Variants in FRMD5 observed in about 807,000 individuals in gnomAD.
FRMD5 encodes the protein FERM domain-containing protein 5.
A neutral mutation model predicts 69.0 loss-of-function variants in FRMD5; 20 were observed. The ratio of observed to expected loss-of-function variants is 0.29; its 90% CI spans 0.20 to 0.42. FRMD5 has a LOEUF of 0.42. Ranked by LOEUF, FRMD5 falls within the 10% of genes least tolerant of loss-of-function variation. The pLI, the probability that FRMD5 is intolerant of heterozygous loss-of-function variation, is 1.00. For missense variants in FRMD5, 595 were observed against 708.6 expected (o/e 0.84, Z 1.82); for synonymous variants, 271 against 260.1 (o/e 1.04, Z -0.40).
At chr15:44,186,514 C>T (rs977833942) in intron 1 of FRMD5, among the ~76,000 whole-genome samples, 2 of 152,186 alleles carry the variant, frequency 1.3e-5, no homozygotes, top group Non-Finnish European at 2.9e-5. Flanking sequence ...AATGATTTGG[C>T]TTTTTCCTGC....
At chr15:44,161,368 A>G (rs2077614055) in intron 1 of FRMD5, among the ~76,000 whole-genome samples, 1 of 152,352 alleles carries the variant, frequency 6.6e-6, no homozygotes, top group Middle Eastern at 3.4e-3. Flanking sequence ...TGGTAATTTT[A>G]TATTCACCCA....
intron 7 of FRMD5, among the ~76,000 whole-genome samples, chr15:43,897,861 T>TGATAGTGAGGGAGTTCTCAC (rs539524606): frequency 2.8e-4 from 42 of 152,272 alleles, no homozygotes; most frequent in African/African-American, 9.1e-4. Context: ...GCTGTTCTCA[T>TGATAGTGAGGGAGTTCTCAC]GATAGTGAGG....
chr15:44,084,582 G>T (rs1409803178), intron 1 of FRMD5, among the ~76,000 whole-genome samples: 8 of 152,156 alleles, frequency 5.3e-5, no homozygotes, highest in Admixed American at 3.9e-4. Flanking sequence ...ACACAGCACA[G>T]ACTTAAACCT....
At chr15:43,910,301 C>T (rs999382175) in intron 4 of FRMD5, among the ~76,000 whole-genome samples, 4 of 151,840 alleles carry the variant, frequency 2.6e-5, no homozygotes, top group African/African-American at 7.3e-5. Context: ...GATCTGGTGC[C>T]GAAAAAGAAA....
intron 1 of FRMD5, among the ~76,000 whole-genome samples, chr15:43,995,986 C>A (rs1362696440): frequency 6.6e-6 from 1 of 151,360 alleles, no homozygotes; most frequent in Admixed American, 6.6e-5. Flanking sequence ...AGAGGCTCCC[C>A]TACAGGGTGG....
chr15:44,070,482 G>T (rs1893494775), intron 1 of FRMD5, among the ~76,000 whole-genome samples: 1 of 152,072 alleles, frequency 6.6e-6, no homozygotes. Flanking sequence ...TTAGAGATCT[G>T]CAGCTATAGC....
chr15:43,917,074 C>T (rs1416358967), intron 4 of FRMD5, among the ~76,000 whole-genome samples: 1 of 152,108 alleles, frequency 6.6e-6, no homozygotes, highest in Non-Finnish European at 1.5e-5. Context: ...GCCACCACGC[C>T]TGGCGGAAAA....
At chr15:44,141,603 A>G (rs1426557046) in intron 1 of FRMD5, among the ~76,000 whole-genome samples, 2 of 152,224 alleles carry the variant, frequency 1.3e-5, no homozygotes, top group African/African-American at 2.4e-5. Context: ...CATTCCACAG[A>G]AATTATAACA....
At chr15:44,009,858 G>C (rs1311015914) in intron 1 of FRMD5, among the ~76,000 whole-genome samples, 4 of 152,106 alleles carry the variant, frequency 2.6e-5, no homozygotes, top group African/African-American at 9.7e-5. Context: ...TTCCCTGTTT[G>C]GCTGTCCAAC....
chr15:43,886,737 G>A (rs1309552122), intron 10 of FRMD5, among the ~76,000 whole-genome samples: 1 of 152,210 alleles, frequency 6.6e-6, no homozygotes, highest in Non-Finnish European at 1.5e-5. Flanking sequence ...CTGGAGCCTG[G>A]GCATGTTCTT....
chr15:43,970,080 CTTAA>C (rs760582422), intron 1 of FRMD5, among the ~76,000 whole-genome samples: 35 of 152,120 alleles, frequency 2.3e-4, no homozygotes, highest in Non-Finnish European at 4.7e-4. Context: ...GGATTTTGTG[CTTAA>C]TTTTCTTCAA....
chr15:43,894,491 C>G (rs117553937), intron 7 of FRMD5, among the ~76,000 whole-genome samples: 1 of 151,460 alleles, frequency 6.6e-6, no homozygotes, highest in South Asian at 2.1e-4. Flanking sequence ...TCCGTATGTG[C>G]GTAAAAATGA....
chr15:44,030,973 G>GAAA (rs55964111), intron 1 of FRMD5, among the ~76,000 whole-genome samples: 3 of 148,076 alleles, frequency 2.0e-5, no homozygotes, highest in African/African-American at 5.0e-5. Flanking sequence ...ACCAGAAAAA[G>GAAA]AAAAAAAAAA....
intron 1 of FRMD5, among the ~76,000 whole-genome samples, chr15:44,084,254 T>G: frequency 6.6e-6 from 1 of 151,956 alleles, no homozygotes; most frequent in East Asian, 1.9e-4. Context: ...ATACCCCCTG[T>G]TTTGCAAGCT....
intron 1 of FRMD5, among the ~76,000 whole-genome samples, chr15:44,169,347 C>T (rs1335870564): frequency 6.6e-6 from 1 of 151,792 alleles, no homozygotes; most frequent in African/African-American, 2.4e-5. Context: ...TGACCTTTAA[C>T]CAAATGATTC....
chr15:44,195,607 C>T (rs1267167346), upstream of FRMD5, among the ~76,000 whole-genome samples: 1 of 152,236 alleles, frequency 6.6e-6, no homozygotes, highest in African/African-American at 2.4e-5. Context: ...GAAGCCAAGC[C>T]TCGCACCCTG....
At chr15:44,027,770 G>A (rs1463246623) in intron 1 of FRMD5, among the ~76,000 whole-genome samples, 12 of 149,620 alleles carry the variant, frequency 8.0e-5, no homozygotes, top group Admixed American at 5.3e-4. Context: ...TCAGCCTCCC[G>A]AGTAGCTGGG....
intron 1 of FRMD5, among the ~76,000 whole-genome samples, chr15:44,191,922 T>TATATATATC (rs1279440991): frequency 1.1e-4 from 1 of 8,928 alleles, no homozygotes; most frequent in African/African-American, 5.3e-4. Context: ...TATATATATA[T>TATATATATC]TATATATATA....
chr15:43,973,339 T>C (rs1311680494), intron 1 of FRMD5, among the ~76,000 whole-genome samples: 1 of 150,984 alleles, frequency 6.6e-6, no homozygotes, highest in Non-Finnish European at 1.5e-5. Flanking sequence ...GTTAATATCC[T>C]AGTTACTTTC....
Sources: allele counts gnomAD v4.1 joint callset (sites outside exome capture counted in the v4.1 genomes callset), GRCh38; gene constraint gnomAD v4.1.1; transcripts MANE v1.5; gene names NCBI Gene and HGNC (gene_info 2026-07-23, HGNC 2026-07-21).